JMY: variants seen among roughly 807,000 people sequenced by gnomAD.
JMY encodes the protein junction mediating and regulatory protein, p53 cofactor.
In JMY, 46 loss-of-function variants were observed where a neutral mutation model predicts 103.3. That is an observed-to-expected ratio of 0.45 (90% confidence interval 0.35 to 0.57). The LOEUF is 0.57. JMY is among the 20% of genes least tolerant of loss of function. The pLI, the probability that JMY is intolerant of heterozygous loss-of-function variation, is 0.00. For missense variants in JMY, 1,238 were observed against 1,255.2 expected, an observed-to-expected ratio of 0.99 and a Z score of 0.21; for synonymous variants, 526 against 489.3, an observed-to-expected ratio of 1.07 and a Z score of -0.99.
chr5:79,281,551 C>T (rs938933239), intron 2 of JMY, among the ~76,000 whole-genome samples: 4 of 151,802 alleles, frequency 2.6e-5, no homozygotes, highest in South Asian at 2.1e-4. Context: ...AACATCATTA[C>T]GCAGCACGTG....
At chr5:79,301,809 G>C (rs1746742034) in intron 6 of JMY, among the ~76,000 whole-genome samples, 1 of 152,110 alleles carries the variant, frequency 6.6e-6, no homozygotes, top group African/African-American at 2.4e-5. Context: ...ATTGCAGGCT[G>C]GGCGCGGTGG....
Position 79,306,541 on chromosome 5 carries a change from TA to T in JMY, c.1968+87del, listed in dbSNP as rs1222948574. Reference sequence around the variant, plus strand: ...AGTGGATAAAATCTGTAGAGAATGATAAAAAAACTTATAACTGCATGTTAAC... The same window carrying T: ...AGTGGATAAAATCTGTAGAGAATGATAAAAAACTTATAACTGCATGTTAAC... On this transcript the variant is annotated intron_variant, in intron 7 of 10. Transcript: ENST00000396137. The T allele has an allele frequency of 5.1e-6, 5 of 972,994 alleles. No homozygotes were observed. The Admixed American group carries it at 6.5e-5, about 13-fold the overall frequency. 60.3% of individuals were successfully genotyped at this position (972,994 alleles called of 1,614,324 possible).
chr5:79,264,796 TGAACCATAA>T (rs1207760210), intron 1 of JMY, among the ~76,000 whole-genome samples: 1 of 152,202 alleles, frequency 6.6e-6, no homozygotes, highest in Non-Finnish European at 1.5e-5. Context: ...GTAGAGGAAC[TGAACCATAA>T]GAAATGAGTT....
chr5:79,289,234 CAAAAAAAAA>C (rs535416062), intron 2 of JMY, among the ~76,000 whole-genome samples: 1 of 55,436 alleles, frequency 1.8e-5, no homozygotes, highest in Non-Finnish European at 4.0e-5. Flanking sequence ...GACGCCGTCT[CAAAAAAAAA>C]AAAAAAAAAA....
intron 4 of JMY, among the ~76,000 whole-genome samples, chr5:79,296,756 C>T (rs1746574838): frequency 6.6e-6 from 1 of 152,238 alleles, no homozygotes; most frequent in African/African-American, 2.4e-5. Context: ...ATTCAGTCCA[C>T]AGGTAGCTCT....
chr5:79,294,004 T>C (rs1193860706), intron 4 of JMY, among the ~76,000 whole-genome samples: 2 of 152,192 alleles, frequency 1.3e-5, no homozygotes, highest in Non-Finnish European at 2.9e-5. Context: ...CACACAGGAT[T>C]AGGAGTAGAG....
intron 1 of JMY, among the ~76,000 whole-genome samples, chr5:79,238,109 C>T (rs548717479): frequency 1.4e-4 from 21 of 152,146 alleles, no homozygotes; most frequent in Non-Finnish European, 2.5e-4. Flanking sequence ...CAAAGTTGAT[C>T]TGTTTTGATT....
chr5:79,282,954 A>C (rs1746162556), intron 2 of JMY, among the ~76,000 whole-genome samples: 1 of 150,642 alleles, frequency 6.6e-6, no homozygotes, highest in Non-Finnish European at 1.5e-5. Context: ...TTCTAATCAA[A>C]ATATCAAACC....
intron 1 of JMY, among the ~76,000 whole-genome samples, chr5:79,265,070 C>T (rs1447718242): frequency 6.6e-6 from 1 of 152,056 alleles, no homozygotes; most frequent in Non-Finnish European, 1.5e-5. Flanking sequence ...GGACTACAGG[C>T]GCCCGCCACC....
At chr5:79,284,942 G>A in intron 2 of JMY, 1 of 1,459,900 alleles carries the variant, frequency 6.8e-7, no homozygotes. Context: ...GAGCCAAAAG[G>A]AAGTTACTTT....
In JMY at chr5:79,300,436, G is replaced by T. The variant is rs1746699353; in HGVS notation, c.1693+118G>T. ...TAAAAAATTGTTTTCTGTAGGGATA[G>T]AGTGTGGGGGGGTGATTTCTAGCAT... On this transcript the variant is annotated intron_variant, in intron 5 of 10. Coordinates refer to ENST00000396137, the MANE Select transcript of JMY (RefSeq NM_152405.5). 4 of 984,882 alleles carry T rather than the reference G, an allele frequency of 4.1e-6. No individual in the cohort carries two copies. In the African/African-American group the frequency reaches 6.7e-5, roughly 17 times the overall value. The allele number at this position is 984,882 out of a possible 1,614,324, so 61.0% of individuals were successfully genotyped here.
At chr5:79,320,192 G>A (rs997399188) in intron 10 of JMY, among the ~76,000 whole-genome samples, 2 of 152,036 alleles carry the variant, frequency 1.3e-5, no homozygotes, top group African/African-American at 4.8e-5. Context: ...GACTAGCCTG[G>A]GCAACATGAC....
chr5:79,298,882 C>CT (rs1440510908), intron 4 of JMY, among the ~76,000 whole-genome samples: 1 of 152,146 alleles, frequency 6.6e-6, no homozygotes, highest in Non-Finnish European at 1.5e-5. Flanking sequence ...CTGGAATTTT[C>CT]TTTAAAACGT....
Position 79,300,652 on chromosome 5 carries a change from C to G in JMY, c.1694-24C>G, listed in dbSNP as rs769305062. 8 of 1,562,368 alleles carry G rather than the reference C, an allele frequency of 5.1e-6. No individual in the cohort carries two copies. In the Admixed American group the frequency reaches 1.0e-4, roughly 20 times the overall value. ...CCCTAGCCCATATTCTTTACCACTA[C>G]TCTTTTTTGCTGTTCTGTAACAGAA... On this transcript the variant is annotated intron_variant, in intron 5 of 10. Transcript: ENST00000396137.
Position 79,324,310 on chromosome 5 carries a change from G to C in JMY, c.*2708G>C, listed in dbSNP as rs1304502506. ...TTTAGTTATGATGGTACTTGTAGAT[G>C]CTCACATTTCCAGTTCCAAACTCGC... On this transcript the variant is annotated 3_prime_UTR_variant, in exon 11 of 11. Coordinates refer to ENST00000396137, the MANE Select transcript of JMY (RefSeq NM_152405.5). 1 of 152,132 alleles carries C rather than the reference G, an allele frequency of 6.6e-6. No individual in the cohort carries two copies. Among genetic ancestry groups the C allele is most frequent in the Non-Finnish European group, 1.5e-5 (1 of 68,018 alleles). The allele number at this position is 152,132 out of a possible 1,614,324, so 9.4% of individuals were successfully genotyped here. A position where few individuals can be genotyped will look rare whatever the true frequency, so the allele number is the denominator to read the frequency against.
chr5:79,236,686 C>CT lies in JMY; in HGVS notation c.37dup (p.Trp13LeufsTer27). 6.7e-7 allele frequency: 1 copy of CT among 1,486,906 alleles called. No homozygotes were observed. Among genetic ancestry groups the CT allele is most frequent in the Non-Finnish European group, 9.0e-7 (1 of 1,114,198 alleles). 92.1% of individuals were successfully genotyped at this position (1,486,906 alleles called of 1,614,324 possible). A position where few individuals can be genotyped will look rare whatever the true frequency, so the allele number is the denominator to read the frequency against. ...CGCTGGAGGAGACGCTCGAGTCGGA[C>CT]TGGGTGGCTGTGCGGCCCCATGTGT... On this transcript the variant is annotated frameshift_variant, in exon 1 of 11. Coordinates refer to ENST00000396137, the MANE Select transcript of JMY (RefSeq NM_152405.5). LOFTEE classifies it high-confidence loss of function.
At chr5:79,286,998 G>GA (rs1332556903) in intron 2 of JMY, among the ~76,000 whole-genome samples, 2 of 152,278 alleles carry the variant, frequency 1.3e-5, no homozygotes, top group East Asian at 3.9e-4. Flanking sequence ...CTGAAGCATA[G>GA]AGGAGGAACC....
chr5:79,263,799 G>A (rs1032631485), intron 1 of JMY, among the ~76,000 whole-genome samples: 7 of 150,000 alleles, frequency 4.7e-5, no homozygotes, highest in East Asian at 3.9e-4. Context: ...CACCATGTCC[G>A]TCTTTTTTTT....
intron 1 of JMY, among the ~76,000 whole-genome samples, chr5:79,253,118 A>C (rs79985360): frequency 1.7e-3 from 266 of 152,248 alleles, no homozygotes; most frequent in African/African-American, 5.5e-3. Flanking sequence ...TGAAGCTTGC[A>C]AATACTATCT....
Sources: allele counts gnomAD v4.1 joint callset (sites outside exome capture counted in the v4.1 genomes callset), GRCh38; gene constraint gnomAD v4.1.1; transcripts MANE v1.5; gene names NCBI Gene and HGNC (gene_info 2026-07-23, HGNC 2026-07-21).